The following MAGI2 variants were observed in gnomAD, a reference collection of about 807,000 sequenced individuals.
MAGI2 encodes the protein membrane associated guanylate kinase, WW and PDZ domain containing 2.
A neutral mutation model predicts 133.3 loss-of-function variants in MAGI2; 35 were observed. The observed-to-expected ratio is 0.26, with a 90% CI of 0.20 to 0.35. The LOEUF is 0.35. MAGI2 is among the 10% of genes least tolerant of loss of function. MAGI2 has a pLI of 1.00. For synonymous variants in MAGI2, 729 were observed against 710.6 expected, an observed-to-expected ratio of 1.03 and a Z score of -0.41; for missense variants, 1,636 against 1,863.4, an observed-to-expected ratio of 0.88 and a Z score of 2.25.
chr7:78,648,808 T>A (rs1432529891), intron 2 of MAGI2, among the ~76,000 whole-genome samples: 1 of 152,150 alleles, frequency 6.6e-6, no homozygotes, highest in Non-Finnish European at 1.5e-5. Flanking sequence ...GTTGAGAAGA[T>A]GGTAAAATTT....
intron 2 of MAGI2, among the ~76,000 whole-genome samples, chr7:78,832,939 G>A (rs577843301): frequency 5.3e-5 from 8 of 152,220 alleles, no homozygotes; most frequent in Admixed American, 2.0e-4. Flanking sequence ...CCTATAAACC[G>A]ACGCATGAGG....
intron 9 of MAGI2, among the ~76,000 whole-genome samples, chr7:78,278,020 G>A (rs1029844747): frequency 2.0e-5 from 3 of 152,278 alleles, no homozygotes; most frequent in Admixed American, 6.5e-5. Context: ...TTGAAGTTTG[G>A]CTTCAGATTG....
chr7:79,066,192 T>C (rs1814306994), intron 1 of MAGI2, among the ~76,000 whole-genome samples: 1 of 152,052 alleles, frequency 6.6e-6, no homozygotes, highest in Admixed American at 6.6e-5. Context: ...GTAAATGCAT[T>C]CCCGTTTCTC....
In MAGI2 at chr7:79,382,419, C is replaced by T. The variant is rs117746172; in HGVS notation, c.301+70601G>A. Among the ~76,000 whole-genome samples, 246 of 151,640 alleles carry T rather than the reference C, an allele frequency of 1.6e-3. 9 individuals carry two copies. The East Asian group carries it at 0.041, about 25-fold the overall frequency. ...TCTCAGGATGTAAATCTCATTGCAT[C>T]ATAACATCTAGGTTACATGTTACCA... is the stretch of plus-strand genomic sequence containing the variant. On this transcript the variant is annotated intron_variant, in intron 1 of 21. Transcript: ENST00000354212.
At chr7:78,428,980 T>C (rs566204074) in intron 6 of MAGI2, among the ~76,000 whole-genome samples, 87 of 152,280 alleles carry the variant, frequency 5.7e-4, no homozygotes, top group Middle Eastern at 3.4e-3. Flanking sequence ...TAATGCTGTG[T>C]TACTAACAAA....
At chr7:78,238,708 T>C (rs11762313) in intron 10 of MAGI2, among the ~76,000 whole-genome samples, 44,083 of 151,664 alleles carry the variant, frequency 0.29, 7,400 homozygotes, top group Non-Finnish European at 0.37. Context: ...GAAGCCAGCT[T>C]GCCTGCCTGC....
rs554562767 is a variant in MAGI2, at chr7:78,673,105, T to C, written c.419-45866A>G. Among the ~76,000 whole-genome samples, 7 of 152,310 alleles carry C rather than the reference T, an allele frequency of 4.6e-5. No individual in the cohort carries two copies. The East Asian group carries it at 5.8e-4, about 13-fold the overall frequency. On this transcript the variant is annotated intron_variant, in intron 2 of 21. Transcript: ENST00000354212. ...CACTTTCTGATCACCATCGATTACA[T>C]AGAATGTTAAAATTCACATGTTGTA... is the stretch of plus-strand genomic sequence containing the variant.
chr7:78,737,235 C>A, intron 2 of MAGI2, among the ~76,000 whole-genome samples: 1 of 151,912 alleles, frequency 6.6e-6, no homozygotes, highest in African/African-American at 2.4e-5. Flanking sequence ...AAAAGAGTGG[C>A]AAAATTAAAG....
In MAGI2 at chr7:79,291,537, G is replaced by A. The variant is rs74655216; in HGVS notation, c.301+161483C>T. 2.3e-4 allele frequency among the ~76,000 whole-genome samples: 35 copies of A among 152,196 alleles called. 1 individual carries two copies. The East Asian group carries it at 6.8e-3, about 29-fold the overall frequency. On this transcript the variant is annotated intron_variant, in intron 1 of 21. Transcript: ENST00000354212. The stretch of plus-strand genomic sequence containing the variant: ...ACAATTTTACAATCCCACCAGCAGT[G>A]TATCAGGGCTCCATTTTCTCCATAT...
In MAGI2 at chr7:79,042,041, A is replaced by C. The variant is rs77943885; in HGVS notation, c.302-34835T>G. Among the ~76,000 whole-genome samples the C allele has an allele frequency of 5.5e-3, 839 of 152,298 alleles. 18 individuals are homozygous for C. The highest frequency in any genetic ancestry group is 0.039 in the Admixed American group (601 of 15,286). Reference sequence around the variant, plus strand: ...CTTTTGCTCTTCGAGAGATAAATTAAGAAAATGAAAAAAATAAGGCATAGA... The same window carrying C: ...CTTTTGCTCTTCGAGAGATAAATTACGAAAATGAAAAAAATAAGGCATAGA... On this transcript the variant is annotated intron_variant, in intron 1 of 21. Coordinates refer to ENST00000354212, the MANE Select transcript of MAGI2 (RefSeq NM_012301.4).
chr7:79,443,279 T>TGC (rs1228445986), intron 1 of MAGI2, among the ~76,000 whole-genome samples: 56 of 54,506 alleles, frequency 1.0e-3, no homozygotes, highest in South Asian at 8.8e-3. Flanking sequence ...TGTGTGTGTG[T>TGC]GTGTGCGTGT....
intron 1 of MAGI2, among the ~76,000 whole-genome samples, chr7:79,013,018 T>C (rs2116603485): frequency 6.6e-6 from 1 of 152,210 alleles, no homozygotes; most frequent in East Asian, 1.9e-4. Context: ...CCTAATGTAA[T>C]CACCATGGGG....
At chr7:78,718,595 C>T (rs1819952033) in intron 2 of MAGI2, among the ~76,000 whole-genome samples, 3 of 151,750 alleles carry the variant, frequency 2.0e-5, no homozygotes, top group African/African-American at 7.3e-5. Flanking sequence ...TGATGTGTCA[C>T]TGTCCCCCAT....
At chr7:78,047,729 C>T (rs1811573517) in intron 21 of MAGI2, among the ~76,000 whole-genome samples, 1 of 152,258 alleles carries the variant, frequency 6.6e-6, no homozygotes, top group Non-Finnish European at 1.5e-5. Flanking sequence ...CTCTGTCTTG[C>T]CTCTGTGGAT....
At chr7:79,391,508 C>CATATATATATATATATATATATAT (rs1286692402) in intron 1 of MAGI2, among the ~76,000 whole-genome samples, 1 of 69,208 alleles carries the variant, frequency 1.4e-5, no homozygotes, top group Non-Finnish European at 2.4e-5. Flanking sequence ...TATATATAGA[C>CATATATATATATATATATATATAT]ATATATATAT....
intron 1 of MAGI2, among the ~76,000 whole-genome samples, chr7:79,234,902 G>GT (rs1554413920): frequency 6.6e-6 from 1 of 151,916 alleles, no homozygotes; most frequent in Non-Finnish European, 1.5e-5. Context: ...TTTCTGTTCT[G>GT]TTTTTTCCCT....
chr7:78,144,978 G>A (rs560728476), intron 16 of MAGI2, among the ~76,000 whole-genome samples: 9 of 152,062 alleles, frequency 5.9e-5, no homozygotes, highest in Middle Eastern at 3.4e-3. Flanking sequence ...GAGAACATGC[G>A]GTGTTTGGTT....
intron 3 of MAGI2, among the ~76,000 whole-genome samples, chr7:78,529,668 G>GTTTTTT (rs554010061): frequency 0.018 from 1,016 of 57,378 alleles, 257 homozygotes; most frequent in South Asian, 0.027. Context: ...AAAGGAGATG[G>GTTTTTT]TTTTTTTTTT....
At chr7:78,395,770 G>T (rs941019705) in intron 6 of MAGI2, among the ~76,000 whole-genome samples, 1 of 152,102 alleles carries the variant, frequency 6.6e-6, no homozygotes, top group South Asian at 2.1e-4. Context: ...GATTTATCAT[G>T]AAACTAAAAA....
Sources: gnomAD v4.1 joint callset for allele counts (sites outside exome capture counted in the v4.1 genomes callset) on GRCh38, gnomAD v4.1.1 for gene constraint, MANE v1.5 for transcripts, NCBI Gene and HGNC (gene_info 2026-07-23, HGNC 2026-07-21) for gene names.